NCOA1: variants seen among roughly 807,000 people sequenced by gnomAD.
NCOA1 encodes the protein Hin-2 protein.
In NCOA1, 35 loss-of-function variants were observed where a neutral mutation model predicts 150.9. The ratio of observed to expected loss-of-function variants is 0.23; its 90% confidence interval spans 0.18 to 0.31. The LOEUF (loss-of-function observed/expected upper bound fraction) is 0.31. Ranked by LOEUF, NCOA1 falls within the 10% of genes least tolerant of loss-of-function variation. NCOA1 has a pLI of 1.00. For synonymous variants in NCOA1, 590 were observed against 630.0 expected (o/e 0.94, Z 0.95); for missense variants, 1,491 against 1,749.3 (o/e 0.85, Z 2.63).
chr2:24,574,887 T>C (rs1379210850), intron 2 of NCOA1, among the ~76,000 whole-genome samples: 1 of 152,156 alleles, frequency 6.6e-6, no homozygotes, highest in East Asian at 1.9e-4. Flanking sequence ...CAATCTTTTT[T>C]CCTCTTCTGG....
chr2:24,549,739 T>C (rs1255605577), intron 1 of NCOA1, among the ~76,000 whole-genome samples: 1 of 152,050 alleles, frequency 6.6e-6, no homozygotes, highest in Non-Finnish European at 1.5e-5. Flanking sequence ...GCTAATTTTG[T>C]TTTTGTATTT....
At chr2:24,717,721 A>G (rs1184498816) in intron 14 of NCOA1, among the ~76,000 whole-genome samples, 2 of 152,214 alleles carry the variant, frequency 1.3e-5, no homozygotes, top group East Asian at 3.8e-4. Flanking sequence ...ACTCTAATGT[A>G]AACTGTGGAC....
intron 11 of NCOA1, among the ~76,000 whole-genome samples, chr2:24,702,254 T>C (rs576896137): frequency 2.2e-4 from 33 of 152,318 alleles, no homozygotes; most frequent in African/African-American, 7.2e-4. Flanking sequence ...TATAATAGAG[T>C]TTACTCATTG....
In NCOA1 at chr2:24,615,809, A is replaced by G. The variant is rs538273467; in HGVS notation, c.-174-28157A>G. Among the ~76,000 whole-genome samples, 11 of 152,278 alleles carry G rather than the reference A, an allele frequency of 7.2e-5. No individual in the cohort carries two copies. In the South Asian group the frequency reaches 2.3e-3, roughly 32 times the overall value. On this transcript the variant is annotated intron_variant, in intron 3 of 22. Coordinates refer to ENST00000348332, the MANE Select transcript of NCOA1 (RefSeq NM_003743.5). ...CATTGCAGATGAGGAATGGCTTTCT[A>G]GAGGGAAGAGGATGAGAATGTGAGG...
At chr2:24,723,294 T>C (rs1255737989) in intron 14 of NCOA1, among the ~76,000 whole-genome samples, 1 of 152,182 alleles carries the variant, frequency 6.6e-6, no homozygotes, top group African/African-American at 2.4e-5. Context: ...AAGAGCATCT[T>C]TATTCTTTTT....
At chr2:24,745,982 TC>T (rs1380345179) in intron 19 of NCOA1, among the ~76,000 whole-genome samples, 2 of 152,226 alleles carry the variant, frequency 1.3e-5, no homozygotes, top group Admixed American at 6.5e-5. Context: ...TCCTGGACAC[TC>T]CCAATCATAA....
Position 24,531,133 on chromosome 2 carries a change from G to C in NCOA1, c.-395-33162G>C, listed in dbSNP as rs578107976. On this transcript the variant is annotated intron_variant, in intron 1 of 22. Transcript: ENST00000348332. Reference sequence around the variant, plus strand: ...GGAGAAAAGGGAACCTTTGTACACTGTTGGTAGGAATGTAGATTAGTGCAG... The same window carrying C: ...GGAGAAAAGGGAACCTTTGTACACTCTTGGTAGGAATGTAGATTAGTGCAG... Among the ~76,000 whole-genome samples, 8 of 152,330 alleles carry C rather than the reference G, an allele frequency of 5.3e-5. No homozygotes were observed. The East Asian group carries it at 1.2e-3, about 22-fold the overall frequency.
At chr2:24,699,187 G>A (rs1462267598) in intron 11 of NCOA1, among the ~76,000 whole-genome samples, 4 of 152,130 alleles carry the variant, frequency 2.6e-5, no homozygotes, top group South Asian at 2.1e-4. Flanking sequence ...GCACTGTTTC[G>A]ACTCATTGCC....
At chr2:24,588,039 T>C (rs1184499470) in intron 3 of NCOA1, among the ~76,000 whole-genome samples, 1 of 152,154 alleles carries the variant, frequency 6.6e-6, no homozygotes, top group Non-Finnish European at 1.5e-5. Context: ...GACTCTGCAG[T>C]TGGCTTCCCG....
At chr2:24,524,097 C>T (rs1256093301) in intron 1 of NCOA1, among the ~76,000 whole-genome samples, 2 of 151,970 alleles carry the variant, frequency 1.3e-5, no homozygotes, top group Non-Finnish European at 2.9e-5. Context: ...TATCTTCATC[C>T]CCATTGTCTG....
At chr2:24,512,139 T>C (rs541156062) in intron 1 of NCOA1, among the ~76,000 whole-genome samples, 1 of 152,340 alleles carries the variant, frequency 6.6e-6, no homozygotes, top group African/African-American at 2.4e-5. Context: ...GTTGAATCTC[T>C]TAGAGTAGAG....
chr2:24,640,088 C>A (rs972199925), intron 3 of NCOA1, among the ~76,000 whole-genome samples: 2 of 151,350 alleles, frequency 1.3e-5, no homozygotes, highest in Non-Finnish European at 2.9e-5. Flanking sequence ...CACTGTAGGT[C>A]ATTAACAGGT....
chr2:24,687,586 C>A (rs1253792373), intron 8 of NCOA1, among the ~76,000 whole-genome samples: 1 of 152,078 alleles, frequency 6.6e-6, no homozygotes, highest in South Asian at 2.1e-4. Flanking sequence ...AGAAAACTTA[C>A]AATCATGAGA....
At chr2:24,757,583 C>T (rs557525983) in intron 20 of NCOA1, among the ~76,000 whole-genome samples, 1 of 151,968 alleles carries the variant, frequency 6.6e-6, no homozygotes, top group Non-Finnish European at 1.5e-5. Flanking sequence ...ATTCAGTGAA[C>T]ATTTATTGAA....
chr2:24,576,326 C>T (rs1244397344), intron 2 of NCOA1, among the ~76,000 whole-genome samples: 1 of 151,964 alleles, frequency 6.6e-6, no homozygotes, highest in East Asian at 1.9e-4. Context: ...TTCTGTTAGG[C>T]TAGTCCACAA....
At chr2:24,570,282 T>C (rs1666693202) in intron 2 of NCOA1, among the ~76,000 whole-genome samples, 1 of 152,136 alleles carries the variant, frequency 6.6e-6, no homozygotes, top group Non-Finnish European at 1.5e-5. Flanking sequence ...CAGATGTGGG[T>C]GTTTGAACAT....
intron 2 of NCOA1, among the ~76,000 whole-genome samples, chr2:24,579,091 A>C (rs949139636): frequency 6.6e-5 from 10 of 152,170 alleles, no homozygotes; most frequent in African/African-American, 2.4e-4. Flanking sequence ...TGAGTTAAAA[A>C]AGAATTTAAA....
intron 4 of NCOA1, among the ~76,000 whole-genome samples, chr2:24,651,716 G>T (rs1028810314): frequency 5.3e-5 from 8 of 151,792 alleles, no homozygotes; most frequent in African/African-American, 1.9e-4. Context: ...TAAAAAATAG[G>T]CAAAGGAGCT....
Position 24,668,140 on chromosome 2 carries a change from T to G in NCOA1, c.256+2225T>G, listed in dbSNP as rs148407287. Among the ~76,000 whole-genome samples, 16 of 152,086 alleles carry G rather than the reference T, an allele frequency of 1.1e-4. No homozygotes were observed. The East Asian group carries it at 2.9e-3, about 27-fold the overall frequency. On this transcript the variant is annotated intron_variant, in intron 6 of 22. Coordinates refer to ENST00000348332, the MANE Select transcript of NCOA1 (RefSeq NM_003743.5). ...TGATTTGAAGAAATCTCTTAGATAA[T>G]AAGCAATGGAAAATGAGAGAAAAAA... is the stretch of plus-strand genomic sequence containing the variant.
Sources: allele counts gnomAD v4.1 joint callset (sites outside exome capture counted in the v4.1 genomes callset), GRCh38; gene constraint gnomAD v4.1.1; transcripts MANE v1.5; gene names NCBI Gene and HGNC (gene_info 2026-07-23, HGNC 2026-07-21).